TRPM1: variants seen among roughly 807,000 people sequenced by gnomAD.
TRPM1 encodes the protein TRPM1-203 APA Isoform, Intron 10.
TRPM1 carries 113 observed loss-of-function variants against 149.4 expected under a neutral mutation model. That is an observed-to-expected ratio of 0.76 (90% CI 0.65 to 0.88). The LOEUF (loss-of-function observed/expected upper bound fraction) is 0.88. Among genes scored for constraint, TRPM1 ranks in the 40% least tolerant of loss-of-function variants. The pLI is 0.00. For synonymous variants in TRPM1, 741 were observed against 759.5 expected (o/e 0.98, Z 0.40); for missense variants, 1,976 against 2,038.7 (o/e 0.97, Z 0.59).
intron 16 of TRPM1, among the ~76,000 whole-genome samples, chr15:31,042,883 T>A (rs2033663801): frequency 6.6e-6 from 1 of 152,232 alleles, no homozygotes. Flanking sequence ...AGATCGTGAT[T>A]GGGAAAATTG....
intron 11 of TRPM1, among the ~76,000 whole-genome samples, chr15:31,056,668 C>T (rs1036505987): frequency 1.1e-4 from 16 of 152,158 alleles, no homozygotes; most frequent in Non-Finnish European, 1.6e-4. Flanking sequence ...TTATGAAATT[C>T]TGCTCTCATG....
upstream of TRPM1, among the ~76,000 whole-genome samples, chr15:31,105,626 C>T (rs981445018): frequency 2.0e-5 from 3 of 152,220 alleles, no homozygotes; most frequent in Non-Finnish European, 4.4e-5. Flanking sequence ...ACATTAAAAG[C>T]TTTCTCTTTT....
At chr15:31,106,503 A>G (rs1471358901), upstream of TRPM1, among the ~76,000 whole-genome samples, 1 of 152,152 alleles carries the variant, frequency 6.6e-6, no homozygotes, top group Non-Finnish European at 1.5e-5. Flanking sequence ...ATATATATGT[A>G]TTGTTTCTCT....
intron 1 of TRPM1, among the ~76,000 whole-genome samples, chr15:31,130,628 A>G (rs1464170702): frequency 2.0e-5 from 3 of 152,126 alleles, no homozygotes; most frequent in African/African-American, 7.2e-5. Context: ...TGAGTGCTTG[A>G]GATATTTTGT....
At chr15:31,114,290 T>G (rs2035768078) in intron 1 of TRPM1, among the ~76,000 whole-genome samples, 1 of 152,230 alleles carries the variant, frequency 6.6e-6, no homozygotes, top group Non-Finnish European at 1.5e-5. Flanking sequence ...TGTTCCTGTG[T>G]TAATTTGCTA....
intron 27 of TRPM1, among the ~76,000 whole-genome samples, chr15:31,005,516 A>C (rs192559942): frequency 6.6e-6 from 1 of 151,808 alleles, no homozygotes; most frequent in African/African-American, 2.4e-5. Context: ...TTGGTGTCTC[A>C]AATCTCCCAT....
intron 20 of TRPM1, among the ~76,000 whole-genome samples, chr15:31,037,261 C>T (rs1047648875): frequency 5.3e-5 from 8 of 152,242 alleles, no homozygotes; most frequent in Non-Finnish European, 7.3e-5. Context: ...CAGAATGAGA[C>T]GCCTTGATTT....
At chr15:31,156,050 A>G (rs1029662881) in intron 1 of TRPM1, among the ~76,000 whole-genome samples, 1 of 151,878 alleles carries the variant, frequency 6.6e-6, no homozygotes, top group African/African-American at 2.4e-5. Context: ...TACAAAAATT[A>G]GCCAGGCATG....
chr15:31,148,172 C>A (rs1485903203), intron 1 of TRPM1, among the ~76,000 whole-genome samples: 1 of 152,098 alleles, frequency 6.6e-6, no homozygotes, highest in East Asian at 1.9e-4. Flanking sequence ...CCAGGCTGAC[C>A]CCAAGGGTCT....
At chr15:31,156,543 A>G (rs2036380166) in intron 1 of TRPM1, among the ~76,000 whole-genome samples, 4 of 152,106 alleles carry the variant, frequency 2.6e-5, no homozygotes, top group South Asian at 2.1e-4. Context: ...TTTGATAATA[A>G]CTCTTTCAAC....
chr15:31,022,621 C>CTACT (rs2032587098), intron 27 of TRPM1, among the ~76,000 whole-genome samples: 4 of 152,248 alleles, frequency 2.6e-5, no homozygotes, highest in Admixed American at 2.0e-4. Flanking sequence ...GAGTCTGCTC[C>CTACT]TACTTCCTTA....
At chr15:31,106,462 A>G (rs192766642), upstream of TRPM1, among the ~76,000 whole-genome samples, 13 of 152,264 alleles carry the variant, frequency 8.5e-5, no homozygotes, top group East Asian at 2.5e-3. Flanking sequence ...AAAAAAAATT[A>G]TTGTTTTATC....
intron 1 of TRPM1, among the ~76,000 whole-genome samples, chr15:31,111,247 C>G (rs1442810230): frequency 6.6e-6 from 1 of 152,178 alleles, no homozygotes; most frequent in African/African-American, 2.4e-5. Flanking sequence ...CCTAACATCT[C>G]ATTAATCCGC....
intron 27 of TRPM1, 92 bp downstream of exon 27, chr15:31,026,047 G>A: frequency 6.4e-7 from 1 of 1,557,840 alleles, no homozygotes; most frequent in Non-Finnish European, 8.8e-7. Flanking sequence ...CGGAGTGCAT[G>A]TTTAAATGAA....
chr15:31,089,234 C>T (rs1026026114), intron 1 of TRPM1, among the ~76,000 whole-genome samples: 4 of 152,168 alleles, frequency 2.6e-5, no homozygotes, highest in Non-Finnish European at 4.4e-5. Flanking sequence ...ATGTGGCCAG[C>T]GTGTCCCCCA....
At chr15:31,027,224 CT>C in intron 25 of TRPM1, 107 bp from the exon 26 acceptor site, 1 of 1,012,946 alleles carries the variant, frequency 9.9e-7, no homozygotes, top group Non-Finnish European at 1.5e-6. Context: ...ATGAGATGGC[CT>C]TTTAGTGCCC....
rs1264377264 is a variant in TRPM1 at position 31,046,206 on chromosome 15, C to T, written c.1792G>A (p.Glu598Lys). 1 of 1,611,430 alleles carries T rather than the reference C, an allele frequency of 6.2e-7. No individual in the cohort carries two copies. Among genetic ancestry groups the T allele is most frequent in the Admixed American group, 1.7e-5 (1 of 59,944 alleles). Residue 598 changes from glutamate to lysine, a missense_variant and splice_region_variant, in exon 16 of 28, where the codon GAA becomes AAA. Physicochemically the swap from Glu to Lys is moderately conservative, Grantham distance 56 (BLOSUM62 1). Transcript: ENST00000256552. ...RPKALKLLGM[E>K]DDEPPAKGKK... ...TGTTGAAAACAAGTTCTACTTACTTCCATTCCCAGAAGTTTAAGAGCTTTA... is the reference window on the plus strand; with the variant it reads ...TGTTGAAAACAAGTTCTACTTACTTTCATTCCCAGAAGTTTAAGAGCTTTA...
intron 1 of TRPM1, among the ~76,000 whole-genome samples, chr15:31,089,207 T>G (rs895851359): frequency 1.2e-4 from 18 of 152,182 alleles, no homozygotes; most frequent in Non-Finnish European, 2.9e-5. Flanking sequence ...TTCTAGGTAG[T>G]TCGTAATTCT....
At chr15:31,079,283 GGACCA>G (rs2034793725) in intron 2 of TRPM1, among the ~76,000 whole-genome samples, 1 of 152,206 alleles carries the variant, frequency 6.6e-6, no homozygotes, top group South Asian at 2.1e-4. Flanking sequence ...CAGTTTCTAT[GGACCA>G]GGAGTTGAAT....
Sources: allele counts gnomAD v4.1 joint callset (sites outside exome capture counted in the v4.1 genomes callset), GRCh38; gene constraint gnomAD v4.1.1; transcripts MANE v1.5; gene names NCBI Gene and HGNC (gene_info 2026-07-23, HGNC 2026-07-21).